The following NAALADL2 variants were observed in gnomAD, a reference collection of about 807,000 sequenced individuals.
NAALADL2 encodes N-acetylated alpha-linked acidic dipeptidase like 2.
A neutral mutation model predicts 87.2 loss-of-function variants in NAALADL2; 76 were observed. The ratio of observed to expected loss-of-function variants is 0.87; its 90% confidence interval spans 0.72 to 1.05. NAALADL2 has a LOEUF of 1.05. NAALADL2 is among the 50% of genes least tolerant of loss of function. The pLI, the probability that NAALADL2 is intolerant of heterozygous loss-of-function variation, is 0.00. For missense variants in NAALADL2, 1,089 were observed against 945.8 expected (o/e 1.15, Z -1.99); for synonymous variants, 354 against 331.0 (o/e 1.07, Z -0.75).
At chr3:174,462,750 C>T (rs1260490086) in intron 1 of NAALADL2, among the ~76,000 whole-genome samples, 1 of 151,968 alleles carries the variant, frequency 6.6e-6, no homozygotes, top group African/African-American at 2.4e-5. Flanking sequence ...TAGCATGCAG[C>T]GACTAGCTAA....
chr3:175,552,327 T>C (rs1714548039), intron 9 of NAALADL2, among the ~76,000 whole-genome samples: 1 of 152,308 alleles, frequency 6.6e-6, no homozygotes, highest in Non-Finnish European at 1.5e-5. Flanking sequence ...ATTTGCTTTT[T>C]TCTTCTCCTT....
intron 1 of NAALADL2, among the ~76,000 whole-genome samples, chr3:174,456,097 A>G (rs1323169717): frequency 6.6e-6 from 1 of 152,146 alleles, no homozygotes; most frequent in Non-Finnish European, 1.5e-5. Context: ...TCAGGAATAC[A>G]ATCCCATTCA....
At chr3:174,732,787 G>A (rs146722822) in intron 2 of NAALADL2, among the ~76,000 whole-genome samples, 2 of 152,266 alleles carry the variant, frequency 1.3e-5, no homozygotes, top group Non-Finnish European at 2.9e-5. Flanking sequence ...TAAGTTAATA[G>A]AATGGCAACC....
At position 175,298,473 on chromosome 3, in the gene NAALADL2, A is replaced by G. The variant is rs150281926; in HGVS notation, c.940-25702A>G. On this transcript the variant is annotated intron_variant, in intron 4 of 13. Transcript: ENST00000454872. ...ATAACTTTCTTTAAACTTTGAAATGAGAATCTCATAAAAGAGAGAATAAAA... is the reference window on the plus strand; with the variant it reads ...ATAACTTTCTTTAAACTTTGAAATGGGAATCTCATAAAAGAGAGAATAAAA... Among the ~76,000 whole-genome samples the G allele has an allele frequency of 9.9e-3, 1,510 of 152,234 alleles. 31 individuals carry two copies. Among genetic ancestry groups the G allele is most frequent in the African/African-American group, 0.034 (1,422 of 41,544 alleles).
At chr3:174,934,039 C>A (rs1737301173) in intron 1 of NAALADL2, among the ~76,000 whole-genome samples, 1 of 152,146 alleles carries the variant, frequency 6.6e-6, no homozygotes, top group African/African-American at 2.4e-5. Context: ...GGAATTCAGA[C>A]ATTTTATTTA....
chr3:174,633,701 TC>T (rs1469688792), intron 2 of NAALADL2, among the ~76,000 whole-genome samples: 1 of 152,230 alleles, frequency 6.6e-6, no homozygotes, highest in African/African-American at 2.4e-5. Flanking sequence ...AGCCAGGGTT[TC>T]CTCAGTGAAA....
intron 1 of NAALADL2, among the ~76,000 whole-genome samples, chr3:174,882,798 CGTGTGT>C: frequency 9.8e-6 from 1 of 102,212 alleles, no homozygotes; most frequent in African/African-American, 4.8e-5. Context: ...TATATATACA[CGTGTGT>C]ATATGTGCAT....
chr3:174,663,342 T>G (rs980041201), intron 2 of NAALADL2, among the ~76,000 whole-genome samples: 1 of 152,168 alleles, frequency 6.6e-6, no homozygotes, highest in Non-Finnish European at 1.5e-5. Context: ...CTTAGTCTAT[T>G]TGCATTGCTA....
chr3:175,718,198 T>TTTG, intron 11 of NAALADL2: 2 of 485,036 alleles, frequency 4.1e-6, no homozygotes, highest in South Asian at 4.8e-5. Flanking sequence ...GCCTGTGGTT[T>TTTG]TTTTTTTTTT....
At chr3:175,538,139 G>A (rs543776767) in intron 9 of NAALADL2, among the ~76,000 whole-genome samples, 19 of 152,218 alleles carry the variant, frequency 1.2e-4, no homozygotes, top group African/African-American at 4.3e-4. Context: ...CAGTAGTCCA[G>A]AGAAATTTCT....
chr3:174,906,073 C>T (rs1441108091), intron 1 of NAALADL2, among the ~76,000 whole-genome samples: 1 of 151,984 alleles, frequency 6.6e-6, no homozygotes, highest in Non-Finnish European at 1.5e-5. Context: ...TACAATATAA[C>T]CATGAAGTGC....
chr3:175,368,036 A>G (rs1393172463), intron 5 of NAALADL2, among the ~76,000 whole-genome samples: 1 of 152,132 alleles, frequency 6.6e-6, no homozygotes, highest in Non-Finnish European at 1.5e-5. Context: ...TCCCATCAAT[A>G]CCTAATTTAT....
chr3:175,687,117 A>C (rs1467276986), intron 11 of NAALADL2, among the ~76,000 whole-genome samples: 1 of 152,158 alleles, frequency 6.6e-6, no homozygotes, highest in Non-Finnish European at 1.5e-5. Flanking sequence ...AGCTATTATA[A>C]ATTCCTAAAT....
chr3:175,020,101 T>C (rs931782966), intron 1 of NAALADL2, among the ~76,000 whole-genome samples: 19 of 151,998 alleles, frequency 1.3e-4, no homozygotes, highest in African/African-American at 4.6e-4. Flanking sequence ...ACAGATTCTG[T>C]TGGGGACATG....
At chr3:174,923,468 A>C (rs943526150) in intron 1 of NAALADL2, among the ~76,000 whole-genome samples, 1 of 152,140 alleles carries the variant, frequency 6.6e-6, no homozygotes, top group Non-Finnish European at 1.5e-5. Context: ...AAAGAGAGAA[A>C]TAGAAAAATT....
intron 11 of NAALADL2, among the ~76,000 whole-genome samples, chr3:175,698,275 G>A (rs1309177320): frequency 1.1e-5 from 1 of 94,402 alleles, no homozygotes; most frequent in East Asian, 2.8e-4. Context: ...ACATATATAT[G>A]TGTATATATG....
rs555606291 is a variant in NAALADL2 at position 175,298,348 on chromosome 3, C to T, written c.940-25827C>T. Reference sequence around the variant, plus strand: ...CTGACCAAACACTTTCATTTCATTGCTTTTGATGCCAGATTTTACATCTTA... The same window carrying T: ...CTGACCAAACACTTTCATTTCATTGTTTTTGATGCCAGATTTTACATCTTA... On this transcript the variant is annotated intron_variant, in intron 4 of 13. Transcript: ENST00000454872. Among the ~76,000 whole-genome samples, 3 of 152,174 alleles carry T rather than the reference C, an allele frequency of 2.0e-5. No individual in the cohort carries two copies. The East Asian group carries it at 5.8e-4, about 29-fold the overall frequency.
In NAALADL2 at chr3:175,576,089, A is replaced by G; in HGVS notation, c.1702A>G (p.Ile568Val). The change falls in exon 10 of 14, where the codon ATC becomes GTC. Residue 568 changes from isoleucine (I) to valine (V), a missense_variant. Coordinates refer to ENST00000454872, the MANE Select transcript of NAALADL2 (RefSeq NM_207015.3). ...TRRAQCPETN[I>V]SSIQIQGDAD... ...AAGAGCCCAGTGCCCAGAAACCAAT[A>G]TCAGTTCTATACAGATACAAGGTGA... is the stretch of plus-strand genomic sequence containing the variant. 6.2e-7 allele frequency: 1 copy of G among 1,613,322 alleles called. No individual in the cohort carries two copies. Among genetic ancestry groups the G allele is most frequent in the Non-Finnish European group, 8.5e-7 (1 of 1,179,450 alleles).
intron 13 of NAALADL2, among the ~76,000 whole-genome samples, chr3:175,786,139 T>C (rs2150235459): frequency 6.6e-6 from 1 of 152,098 alleles, no homozygotes; most frequent in South Asian, 2.1e-4. Flanking sequence ...TAACATTTTT[T>C]CCTTCATTTC....
Sources: allele counts gnomAD v4.1 joint callset (sites outside exome capture counted in the v4.1 genomes callset), GRCh38; gene constraint gnomAD v4.1.1; transcripts MANE v1.5; gene names NCBI Gene and HGNC (gene_info 2026-07-23, HGNC 2026-07-21).